NBEA: variants seen among roughly 807,000 people sequenced by gnomAD.
NBEA encodes the protein neurobeachin, also known as lysosomal-trafficking regulator 2.
A neutral mutation model predicts 343.4 loss-of-function variants in NBEA; 44 were observed. That is an observed-to-expected ratio of 0.13 (90% CI 0.10 to 0.16). NBEA has a LOEUF of 0.16. NBEA is among the 10% of genes least tolerant of loss of function. The probability of loss-of-function intolerance (pLI) is 1.00; values close to 1 mark genes in which losing one functional copy is unlikely to be tolerated. For missense variants in NBEA, 2,555 were observed against 3,631.3 expected, an observed-to-expected ratio of 0.70 and a Z score of 7.62; for synonymous variants, 1,175 against 1,238.7, an observed-to-expected ratio of 0.95 and a Z score of 1.08.
Position 35,041,010 on chromosome 13 carries a change from T to G in NBEA, c.372T>G (p.Leu124=). 1 of 1,613,140 alleles carries G rather than the reference T, an allele frequency of 6.2e-7. No individual in the cohort carries two copies. The highest frequency in any genetic ancestry group is 8.5e-7 in the Non-Finnish European group (1 of 1,179,402). ...DAESITCMTE[L]LEHCDVTCQA... ...AGAGTATAACATGTATGACAGAGCTTTTGGAGCACTGTGATGTAACATGTC... is the reference window on the plus strand; with the variant it reads ...AGAGTATAACATGTATGACAGAGCTGTTGGAGCACTGTGATGTAACATGTC... The change falls in exon 2 of 59, where the codon CTT becomes CTG. Residue 124 remains leucine, a synonymous_variant. Coordinates refer to ENST00000379939, the MANE Select transcript of NBEA (RefSeq NM_001385012.1).
chr13:35,449,514 A>C (rs1291769106), intron 39 of NBEA, among the ~76,000 whole-genome samples: 1 of 152,248 alleles, frequency 6.6e-6, no homozygotes, highest in Non-Finnish European at 1.5e-5. Flanking sequence ...CCAGAAATAT[A>C]GCTGAGAAGA....
intron 55 of NBEA, among the ~76,000 whole-genome samples, chr13:35,661,898 A>C (rs1385526434): frequency 1.3e-5 from 2 of 152,090 alleles, no homozygotes. Flanking sequence ...TTTTATCAGG[A>C]GGTTCATCCT....
intron 41 of NBEA, among the ~76,000 whole-genome samples, chr13:35,527,911 C>G (rs1594889066): frequency 6.6e-6 from 1 of 152,220 alleles, no homozygotes; most frequent in Admixed American, 6.5e-5. Context: ...CAGGCTGCCT[C>G]TGCCATCACT....
chr13:35,459,653 A>G (rs955533854), intron 40 of NBEA, among the ~76,000 whole-genome samples: 1 of 152,214 alleles, frequency 6.6e-6, no homozygotes, highest in South Asian at 2.1e-4. Flanking sequence ...CCTAACTTCA[A>G]ATATCCAGAT....
intron 1 of NBEA, among the ~76,000 whole-genome samples, chr13:34,963,705 T>C (rs928826517): frequency 2.0e-5 from 3 of 149,692 alleles, no homozygotes; most frequent in Admixed American, 6.7e-5. Flanking sequence ...ACTCTTTTCT[T>C]CCCCCCCCCG....
intron 1 of NBEA, among the ~76,000 whole-genome samples, chr13:34,976,932 TTCTC>T (rs966599369): frequency 1.2e-4 from 18 of 148,624 alleles, no homozygotes; most frequent in South Asian, 4.2e-4. Context: ...ACTTTTCTTT[TTCTC>T]TCTATTTTTT....
chr13:35,491,170 A>C (rs1230712168), intron 41 of NBEA, among the ~76,000 whole-genome samples: 1 of 151,944 alleles, frequency 6.6e-6, no homozygotes, highest in East Asian at 1.9e-4. Flanking sequence ...TGTTTGTTGA[A>C]TGAATAATTA....
chr13:35,321,474 C>T (rs1566615191), intron 36 of NBEA, among the ~76,000 whole-genome samples: 1 of 152,104 alleles, frequency 6.6e-6, no homozygotes, highest in Non-Finnish European at 1.5e-5. Context: ...AAGCTTTTTC[C>T]CAGAGTGGCA....
chr13:35,140,852 A>G (rs1467231762), intron 17 of NBEA, among the ~76,000 whole-genome samples: 1 of 152,196 alleles, frequency 6.6e-6, no homozygotes, highest in African/African-American at 2.4e-5. Flanking sequence ...ATGTTCACTT[A>G]AAATCCAAAT....
intron 10 of NBEA, among the ~76,000 whole-genome samples, chr13:35,085,888 C>A (rs1466184005): frequency 6.6e-6 from 1 of 152,160 alleles, no homozygotes; most frequent in Non-Finnish European, 1.5e-5. Context: ...AGCGAAGTCT[C>A]AGGATACAAA....
intron 54 of NBEA, 51 bp from the exon 55 acceptor site, chr13:35,655,528 C>T: frequency 6.5e-7 from 1 of 1,532,010 alleles, no homozygotes; most frequent in African/African-American, 1.4e-5. Context: ...CACTTATTAC[C>T]ATTTGAAGAA....
At chr13:35,615,593 C>A (rs953136308) in intron 48 of NBEA, among the ~76,000 whole-genome samples, 1 of 152,118 alleles carries the variant, frequency 6.6e-6, no homozygotes, top group African/African-American at 2.4e-5. Context: ...GATCCGCCTG[C>A]CTCAGCCTCC....
At chr13:35,091,414 A>G (rs753370873) in intron 10 of NBEA, among the ~76,000 whole-genome samples, 4 of 152,014 alleles carry the variant, frequency 2.6e-5, no homozygotes, top group Non-Finnish European at 5.9e-5. Context: ...TTGTGCATAC[A>G]TGGATCTAAT....
intron 1 of NBEA, among the ~76,000 whole-genome samples, chr13:34,983,092 T>C (rs1293682465): frequency 6.6e-6 from 1 of 152,198 alleles, no homozygotes; most frequent in African/African-American, 2.4e-5. Flanking sequence ...TACATAGGTA[T>C]ACATGTGCCA....
intron 53 of NBEA, among the ~76,000 whole-genome samples, chr13:35,654,114 G>T (rs1381456572): frequency 6.6e-6 from 1 of 152,222 alleles, no homozygotes; most frequent in Non-Finnish European, 1.5e-5. Context: ...TGAAAGGATG[G>T]TGCGCAGTAA....
At chr13:35,615,615 G>A (rs2082706312) in intron 48 of NBEA, among the ~76,000 whole-genome samples, 1 of 152,144 alleles carries the variant, frequency 6.6e-6, no homozygotes, top group Admixed American at 6.5e-5. Context: ...AAAGTGCTGG[G>A]ATTACAGGCC....
At chr13:35,021,365 T>C (rs1434881512) in intron 1 of NBEA, among the ~76,000 whole-genome samples, 1 of 152,176 alleles carries the variant, frequency 6.6e-6, no homozygotes, top group Non-Finnish European at 1.5e-5. Flanking sequence ...TCTGCATTTT[T>C]TTGTAGACAG....
intron 36 of NBEA, among the ~76,000 whole-genome samples, chr13:35,343,228 A>G (rs1275104790): frequency 6.6e-6 from 1 of 152,082 alleles, no homozygotes; most frequent in Non-Finnish European, 1.5e-5. Flanking sequence ...TATTTCAAAT[A>G]AATAACCTCA....
Position 34,942,748 on chromosome 13 carries a change from G to C in NBEA, c.-73G>C. On this transcript the variant is annotated 5_prime_UTR_variant, in exon 1 of 59. Transcript: ENST00000379939. ...CTCCGAGGCGACGGCCGGGGGGCGG[G>C]GGCCGAGGCAGGTATAACGGTACCG... 1.7e-6 allele frequency: 2 copies of C among 1,204,396 alleles called. No homozygotes were observed. The highest frequency in any genetic ancestry group is 2.1e-6 in the Non-Finnish European group (2 of 957,362). The allele number at this position is 1,204,396 out of a possible 1,614,324, so 74.6% of individuals were successfully genotyped here.
Sources: gnomAD v4.1 joint callset for allele counts (sites outside exome capture counted in the v4.1 genomes callset) on GRCh38, gnomAD v4.1.1 for gene constraint, MANE v1.5 for transcripts, NCBI Gene and HGNC (gene_info 2026-07-23, HGNC 2026-07-21) for gene names.